Variants in RANBP17 observed in about 807,000 individuals in gnomAD.
RANBP17 encodes the protein ran-binding protein 17.
Under a neutral mutation model 141.2 loss-of-function variants are expected in RANBP17, and 158 were observed. The ratio of observed to expected loss-of-function variants is 1.12; its 90% CI spans 0.98 to 1.28. RANBP17 has a LOEUF of 1.28. Ranked by LOEUF, RANBP17 falls within the 50% of genes most tolerant of loss-of-function variation. RANBP17 has a pLI of 0.00. For missense variants in RANBP17, 1,438 were observed against 1,290.7 expected (o/e 1.11, Z -1.75); for synonymous variants, 430 against 450.0 (o/e 0.96, Z 0.56).
intron 3 of RANBP17, among the ~76,000 whole-genome samples, chr5:170,889,265 A>G (rs777101466): frequency 1.1e-4 from 17 of 152,040 alleles, no homozygotes; most frequent in Non-Finnish European, 8.8e-5. Flanking sequence ...TGAGGTGTGT[A>G]TCGTCTCTTT....
chr5:171,120,720 ATTGGAGTCTG>A (rs796296557), intron 14 of RANBP17, among the ~76,000 whole-genome samples: 30 of 152,190 alleles, frequency 2.0e-4, no homozygotes, highest in African/African-American at 7.0e-4. Context: ...TTTCCTTGTG[ATTGGAGTCTG>A]TTACTGGTGA....
In RANBP17 at chr5:171,142,819, A is replaced by C. The variant is rs532982420; in HGVS notation, c.1711-27311A>C. 3.8e-4 allele frequency among the ~76,000 whole-genome samples: 58 copies of C among 152,324 alleles called. No individual in the cohort carries two copies. The South Asian group carries it at 0.012, about 32-fold the overall frequency. ...TACCAGTTTTAGGGATGAGGAAATG[A>C]AACCTCAGAATAAATGACTGTCAAT... On this transcript the variant is annotated intron_variant, in intron 14 of 27. Coordinates refer to ENST00000523189, the MANE Select transcript of RANBP17 (RefSeq NM_022897.5).
intron 14 of RANBP17, among the ~76,000 whole-genome samples, chr5:171,061,335 G>A (rs1308523554): frequency 2.6e-5 from 4 of 152,110 alleles, no homozygotes; most frequent in Non-Finnish European, 5.9e-5. Flanking sequence ...TGCTTTGAAT[G>A]TGTCCCAGAG....
chr5:171,212,525 T>A (rs1046424374), intron 20 of RANBP17, among the ~76,000 whole-genome samples: 2 of 152,150 alleles, frequency 1.3e-5, no homozygotes, highest in Non-Finnish European at 2.9e-5. Flanking sequence ...TGCTAAGAGA[T>A]GAAGCTGGAG....
intron 25 of RANBP17, among the ~76,000 whole-genome samples, chr5:171,277,938 C>CTTTTTTTT (rs140208253): frequency 3.7e-4 from 27 of 72,264 alleles, no homozygotes; most frequent in South Asian, 6.4e-4. Context: ...GGACTTCTTT[C>CTTTTTTTT]TTTTTTTTTT....
At chr5:171,267,288 C>T (rs1002363666) in intron 25 of RANBP17, among the ~76,000 whole-genome samples, 2 of 151,456 alleles carry the variant, frequency 1.3e-5, no homozygotes, top group Middle Eastern at 6.8e-3. Flanking sequence ...AAACAGTCCT[C>T]CCACCTCAGC....
chr5:171,287,319 C>A (rs1284986240), intron 25 of RANBP17, among the ~76,000 whole-genome samples: 1 of 151,956 alleles, frequency 6.6e-6, no homozygotes, highest in East Asian at 1.9e-4. Context: ...GGTGAAACCC[C>A]ATGTATACTA....
chr5:171,107,051 T>C (rs1754893624), intron 14 of RANBP17, among the ~76,000 whole-genome samples: 1 of 152,314 alleles, frequency 6.6e-6, no homozygotes, highest in African/African-American at 2.4e-5. Flanking sequence ...GTTGTTGTTT[T>C]GGAGTTCAAC....
At chr5:170,902,293 T>G (rs1181674268) in intron 5 of RANBP17, among the ~76,000 whole-genome samples, 1 of 152,216 alleles carries the variant, frequency 6.6e-6, no homozygotes, top group Non-Finnish European at 1.5e-5. Context: ...CTGATATCCT[T>G]TCTTCCTCTT....
intron 24 of RANBP17, among the ~76,000 whole-genome samples, chr5:171,243,352 A>G (rs575226609): frequency 6.6e-6 from 1 of 152,282 alleles, no homozygotes; most frequent in Admixed American, 6.5e-5. Context: ...TTTGAAAATC[A>G]ATTAGTTTAT....
At chr5:170,969,222 C>T (rs549741011) in intron 14 of RANBP17, among the ~76,000 whole-genome samples, 3 of 151,638 alleles carry the variant, frequency 2.0e-5, no homozygotes, top group African/African-American at 7.2e-5. Flanking sequence ...TAGTTTATTT[C>T]AGGTAAAATA....
chr5:171,256,557 G>A (rs115822480), intron 24 of RANBP17, among the ~76,000 whole-genome samples: 65 of 152,170 alleles, frequency 4.3e-4, no homozygotes, highest in Non-Finnish European at 7.5e-4. Flanking sequence ...AAAAGAAATA[G>A]TAAGGATCAG....
chr5:171,138,539 C>T (rs80114589), intron 14 of RANBP17, among the ~76,000 whole-genome samples: 2 of 98,014 alleles, frequency 2.0e-5, no homozygotes, highest in African/African-American at 6.9e-5. Context: ...TTCCCTACTG[C>T]AAAAAAAAAA....
chr5:171,104,871 T>C (rs1354247316), intron 14 of RANBP17, among the ~76,000 whole-genome samples: 1 of 152,214 alleles, frequency 6.6e-6, no homozygotes, highest in African/African-American at 2.4e-5. Flanking sequence ...TTGTCATTGC[T>C]ATTACAAATA....
intron 13 of RANBP17, among the ~76,000 whole-genome samples, chr5:170,964,608 C>T (rs986542962): frequency 1.3e-5 from 2 of 151,960 alleles, no homozygotes; most frequent in Non-Finnish European, 1.5e-5. Flanking sequence ...CCATGTGTTC[C>T]CATTGTTCAA....
chr5:171,059,142 C>T lies in RANBP17; in HGVS notation c.1710+90765C>T, dbSNP rs1424998007. Among the ~76,000 whole-genome samples, 157 of 151,758 alleles carry T rather than the reference C, an allele frequency of 1.0e-3. No individual in the cohort carries two copies. In the East Asian group the frequency reaches 0.022, roughly 21 times the overall value. Reference sequence around the variant, plus strand: ...TGTTCACTCTGATGGTAGTTTCTTTCACTGTGCAGAAGCTCTTTAGTTTAA... The same window carrying T: ...TGTTCACTCTGATGGTAGTTTCTTTTACTGTGCAGAAGCTCTTTAGTTTAA... On this transcript the variant is annotated intron_variant, in intron 14 of 27. Coordinates refer to ENST00000523189, the MANE Select transcript of RANBP17 (RefSeq NM_022897.5).
At chr5:171,094,477 T>C (rs952617782) in intron 14 of RANBP17, among the ~76,000 whole-genome samples, 1 of 152,196 alleles carries the variant, frequency 6.6e-6, no homozygotes, top group Non-Finnish European at 1.5e-5. Flanking sequence ...ATCATTGTTA[T>C]TTTTATATAA....
At chr5:171,189,807 C>T (rs1439860170) in intron 18 of RANBP17, among the ~76,000 whole-genome samples, 1 of 152,180 alleles carries the variant, frequency 6.6e-6, no homozygotes, top group Admixed American at 6.5e-5. Context: ...ACTAGGTTGA[C>T]TGGAACATGG....
Position 171,298,911 on chromosome 5 carries a change from G to A in RANBP17, c.*53G>A, listed in dbSNP as rs952318694. On this transcript the variant is annotated 3_prime_UTR_variant, in exon 28 of 28. Transcript: ENST00000523189. ...AGCCTTTATCAAGAGACTCCTGAAGGTCTGGGTCTCAGGACAGTGATGTTG... is the reference window on the plus strand; with the variant it reads ...AGCCTTTATCAAGAGACTCCTGAAGATCTGGGTCTCAGGACAGTGATGTTG... 7.1e-7 allele frequency: 1 copy of A among 1,416,472 alleles called. No homozygotes were observed. The highest frequency in any genetic ancestry group is 1.4e-5 in the African/African-American group (1 of 71,216). 87.7% of individuals were successfully genotyped at this position (1,416,472 alleles called of 1,614,324 possible). A position where few individuals can be genotyped will look rare whatever the true frequency, so the allele number is the denominator to read the frequency against.
Sources: gnomAD v4.1 joint callset for allele counts (sites outside exome capture counted in the v4.1 genomes callset) on GRCh38, gnomAD v4.1.1 for gene constraint, MANE v1.5 for transcripts, NCBI Gene and HGNC (gene_info 2026-07-23, HGNC 2026-07-21) for gene names.